Variants in TCEA3 observed in about 807,000 individuals in gnomAD.
TCEA3 encodes the protein transcription elongation factor A3, also known as transcription elongation factor A protein 3.
A neutral mutation model predicts 44.0 loss-of-function variants in TCEA3; 36 were observed. The ratio of observed to expected loss-of-function variants is 0.82; its 90% CI spans 0.63 to 1.08. The LOEUF is 1.08. Ranked by LOEUF, TCEA3 falls within the 50% of genes least tolerant of loss-of-function variation. TCEA3 has a pLI of 0.00. For synonymous variants in TCEA3, 162 were observed against 159.7 expected (o/e 1.01, Z -0.11); for missense variants, 392 against 441.2 (o/e 0.89, Z 1.00).
intron 7 of TCEA3, among the ~76,000 whole-genome samples, chr1:23,397,096 C>A (rs537762834): frequency 6.6e-6 from 1 of 151,556 alleles, no homozygotes; most frequent in African/African-American, 2.4e-5. Context: ...ACCTCTCAAT[C>A]TAGTCTGTTC....
intron 6 of TCEA3, 93 bp downstream of exon 6, chr1:23,397,699 G>A (rs987289116): frequency 6.2e-7 from 1 of 1,606,240 alleles, no homozygotes; most frequent in Admixed American, 1.7e-5. Context: ...ACCATCCCTT[G>A]GGGTGCTGAG....
At chr1:23,416,140 G>C (rs1639883238) in intron 4 of TCEA3, among the ~76,000 whole-genome samples, 3 of 151,506 alleles carry the variant, frequency 2.0e-5, no homozygotes, top group Non-Finnish European at 4.4e-5. Flanking sequence ...CCGAGTAGCT[G>C]GGATTACAGG....
chr1:23,391,152 T>C (rs185387996), intron 8 of TCEA3, among the ~76,000 whole-genome samples: 6,150 of 137,252 alleles, frequency 0.045, 319 homozygotes, highest in African/African-American at 0.18. Context: ...TTCTTTCTTT[T>C]TTTTTTTTTT....
chr1:23,390,239 C>A (rs1325683599), intron 8 of TCEA3, among the ~76,000 whole-genome samples: 1 of 152,092 alleles, frequency 6.6e-6, no homozygotes, highest in East Asian at 1.9e-4. Flanking sequence ...GAAGCCGAGG[C>A]GGGCAGATCA....
chr1:23,388,484 C>T (rs762701844), intron 8 of TCEA3, among the ~76,000 whole-genome samples: 5 of 152,154 alleles, frequency 3.3e-5, no homozygotes, highest in Non-Finnish European at 7.3e-5. Flanking sequence ...GTATGAACCA[C>T]TATGCCTGGC....
At chr1:23,406,227 G>A (rs1483583367) in intron 5 of TCEA3, among the ~76,000 whole-genome samples, 1 of 152,210 alleles carries the variant, frequency 6.6e-6, no homozygotes, top group Non-Finnish European at 1.5e-5. Flanking sequence ...TGTTGGAGGT[G>A]TGCAATACAG....
At chr1:23,418,529 C>G (rs1639961905) in intron 2 of TCEA3, among the ~76,000 whole-genome samples, 1 of 152,142 alleles carries the variant, frequency 6.6e-6, no homozygotes, top group Admixed American at 6.5e-5. Flanking sequence ...CCAGGCTGGT[C>G]TCGAACTCCT....
chr1:23,417,869 A>G (rs1639937647), intron 3 of TCEA3, 35 bp downstream of exon 3: 1 of 1,603,936 alleles, frequency 6.2e-7, no homozygotes. Context: ...TGCTAGGAGA[A>G]AAACAGGGCT....
At chr1:23,400,406 A>T (rs1639365627) in intron 5 of TCEA3, among the ~76,000 whole-genome samples, 1 of 137,744 alleles carries the variant, frequency 7.3e-6, no homozygotes, top group Non-Finnish European at 1.5e-5. Context: ...TGGGGGTCTC[A>T]ATATGTTGCT....
At chr1:23,409,638 C>T (rs1639654278) in intron 4 of TCEA3, among the ~76,000 whole-genome samples, 1 of 152,072 alleles carries the variant, frequency 6.6e-6, no homozygotes, top group Non-Finnish European at 1.5e-5. Context: ...ACCTCCACCT[C>T]CTGGGTTCAA....
At chr1:23,394,354 T>C (rs1302680153) in intron 7 of TCEA3, among the ~76,000 whole-genome samples, 1 of 152,188 alleles carries the variant, frequency 6.6e-6, no homozygotes, top group Non-Finnish European at 1.5e-5. Context: ...TCTACACGCC[T>C]GAGTTTCCTT....
At position 23,408,686 on chromosome 1, in the gene TCEA3, G is replaced by C. The variant is rs1032568565; in HGVS notation, c.421C>G (p.Pro141Ala). ...TACCTTTCCACCGATGGTCTTTTTG[G>C]AGAGGAGGAGGCAGAAGACTTGGAG... Reference protein sequence around the residue: ...VDSKSSASSSPKRPSVERSNS... With the variant: ...VDSKSSASSSAKRPSVERSNS... Residue 141 changes from proline (P) to alanine (A), a missense_variant, in exon 5 of 11, where the codon CCA becomes GCA. Pro to Ala is a conservative substitution (Grantham distance 27, BLOSUM62 -1). Transcript: ENST00000450454. The C allele has an allele frequency of 2.5e-6, 4 of 1,611,726 alleles. No homozygotes were observed. The African/African-American group carries it at 4.0e-5, about 16-fold the overall frequency.
intron 5 of TCEA3, among the ~76,000 whole-genome samples, chr1:23,404,491 C>T (rs1040198815): frequency 6.6e-6 from 1 of 152,090 alleles, no homozygotes; most frequent in Non-Finnish European, 1.5e-5. Flanking sequence ...CTACCCCTTT[C>T]TAAAAACATG....
chr1:23,388,845 G>A (rs1395277801), intron 8 of TCEA3, among the ~76,000 whole-genome samples: 1 of 151,914 alleles, frequency 6.6e-6, no homozygotes, highest in Non-Finnish European at 1.5e-5. Flanking sequence ...CACCAAACCT[G>A]GTTAATTATT....
intron 5 of TCEA3, among the ~76,000 whole-genome samples, chr1:23,401,040 G>T (rs1490847923): frequency 6.6e-6 from 1 of 152,152 alleles, no homozygotes; most frequent in African/African-American, 2.4e-5. Context: ...AGTAGCCCAG[G>T]CTTCTCAGGA....
intron 5 of TCEA3, among the ~76,000 whole-genome samples, chr1:23,408,124 G>A (rs1002220947): frequency 6.6e-6 from 1 of 152,072 alleles, no homozygotes; most frequent in Non-Finnish European, 1.5e-5. Context: ...ACCATGCCTG[G>A]CTAATTTTTG....
At chr1:23,420,235 T>C (rs1204457276) in intron 1 of TCEA3, among the ~76,000 whole-genome samples, 1 of 152,238 alleles carries the variant, frequency 6.6e-6, no homozygotes, top group Non-Finnish European at 1.5e-5. Context: ...TGTATGTATG[T>C]ACCACAGTTT....
intron 5 of TCEA3, among the ~76,000 whole-genome samples, chr1:23,402,887 A>C (rs1258520365): frequency 6.6e-6 from 1 of 152,168 alleles, no homozygotes; most frequent in Non-Finnish European, 1.5e-5. Flanking sequence ...TGAGGAACTG[A>C]CCACAGAGAG....
chr1:23,423,564 C>G (rs1036230893), intron 1 of TCEA3, among the ~76,000 whole-genome samples: 2 of 152,314 alleles, frequency 1.3e-5, no homozygotes, highest in African/African-American at 4.8e-5. Flanking sequence ...CTTTCCCAGG[C>G]TCCTAAGTGT....
Sources: gnomAD v4.1 joint callset for allele counts (sites outside exome capture counted in the v4.1 genomes callset) on GRCh38, gnomAD v4.1.1 for gene constraint, MANE v1.5 for transcripts, NCBI Gene and HGNC (gene_info 2026-07-23, HGNC 2026-07-21) for gene names.